Variants in POMT1 observed in about 807,000 individuals in gnomAD.
POMT1 encodes the protein protein O-mannosyl-transferase 1.
A neutral mutation model predicts 101.6 loss-of-function variants in POMT1; 85 were observed. The observed-to-expected ratio is 0.84, with a 90% CI of 0.70 to 1.00. The LOEUF is 1.00. POMT1 is among the 50% of genes least tolerant of loss of function. POMT1 has a pLI of 0.00. For synonymous variants in POMT1, 371 were observed against 383.0 expected (o/e 0.97, Z 0.37); for missense variants, 857 against 930.4 (o/e 0.92, Z 1.03).
chr9:131,522,312 A>T lies in POMT1; in HGVS notation c.2003+88A>T. The T allele has an allele frequency of 6.3e-7, 1 of 1,585,628 alleles. No homozygotes were observed. Among genetic ancestry groups the T allele is most frequent in the Admixed American group, 1.7e-5 (1 of 57,930 alleles). On this transcript the variant is annotated intron_variant, in intron 19 of 19. Coordinates refer to ENST00000402686, the MANE Select transcript of POMT1 (RefSeq NM_001077365.2). The surrounding 1 kb of genome is among the most constrained non-coding windows in gnomAD (Gnocchi z 5.5). ...GCAGCAAACACATGGGGTGCAGCGAACCTCACCCATTTCACGTTACACTGA... is the reference window on the plus strand; with the variant it reads ...GCAGCAAACACATGGGGTGCAGCGATCCTCACCCATTTCACGTTACACTGA...
At chr9:131,518,725 A>G in intron 14 of POMT1, 112 bp from the exon 15 acceptor site, 2 of 1,562,670 alleles carry the variant, frequency 1.3e-6, no homozygotes, top group Non-Finnish European at 8.8e-7. Flanking sequence ...AATCTCCCAC[A>G]AGGGGCACCT....
At chr9:131,512,667 A>C (rs1947379791) in intron 11 of POMT1, among the ~76,000 whole-genome samples, 1 of 151,900 alleles carries the variant, frequency 6.6e-6, no homozygotes, top group African/African-American at 2.4e-5. Flanking sequence ...GCTGGAGTGC[A>C]GTGGTACGAT....
chr9:131,520,450 A>C (rs979132785), intron 17 of POMT1, among the ~76,000 whole-genome samples: 29 of 152,144 alleles, frequency 1.9e-4, no homozygotes, highest in African/African-American at 6.8e-4. Flanking sequence ...TTTCCTGGCG[A>C]AAGTGGTTTT....
rs1310396437 is a variant in POMT1, at chr9:131,506,133, G to C, written c.142G>C (p.Gly48Arg). ...RAVVFDEVYY[G>R]QYISFYMKQI... ...TTCTAGTTTTGACGAAGTATATTAT[G>C]GGCAGTACATCTCTTTTTACATGAA... The change falls in exon 3 of 20, where the codon GGG becomes CGG. Residue 48 changes from glycine to arginine, a missense_variant. By Grantham distance (125) the Gly-to-Arg change is moderately radical. Transcript: ENST00000402686. 1.4e-5 allele frequency: 23 copies of C among 1,613,630 alleles called. No homozygotes were observed. Among genetic ancestry groups the C allele is most frequent in the African/African-American group, 2.7e-5 (2 of 74,848 alleles).
rs1159094303 is a variant in POMT1 at position 131,518,817 on chromosome 9, C to T, written c.1366-20C>T. The T allele has an allele frequency of 6.2e-7, 1 of 1,613,948 alleles. No homozygotes were observed. Among genetic ancestry groups the T allele is most frequent in the African/African-American group, 1.3e-5 (1 of 75,062 alleles). The stretch of plus-strand genomic sequence containing the variant: ...CACGGCCTTCCCATCACGCCCTTTA[C>T]TCTCCTGCGGTGTCACCAGCTGAGC... On this transcript the variant is annotated intron_variant, in intron 14 of 19. Transcript: ENST00000402686.
rs778028503 is a variant in POMT1 at position 131,503,640 on chromosome 9, G to C, written c.-30-549G>C. 6.6e-6 allele frequency among the ~76,000 whole-genome samples: 1 copy of C among 152,196 alleles called. No individual in the cohort carries two copies. Among genetic ancestry groups the C allele is most frequent in the Non-Finnish European group, 1.5e-5 (1 of 68,028 alleles). The stretch of plus-strand genomic sequence containing the variant: ...GAAGATGAAGCCTGGAGGAGAACGT[G>C]GGGGCGCAGGGTGCAAATGCACCCT... On this transcript the variant is annotated intron_variant, in intron 1 of 19. Coordinates refer to ENST00000402686, the MANE Select transcript of POMT1 (RefSeq NM_001077365.2). This position sits in a 1 kb window ranked among gnomAD's most constrained non-coding sequence, Gnocchi z 4.4.
chr9:131,508,794 A>G (rs1588363259), intron 5 of POMT1, 117 bp from the exon 6 acceptor site: 1 of 739,796 alleles, frequency 1.4e-6, no homozygotes. Flanking sequence ...AACATTCACA[A>G]CAGCCCCACA....
chr9:131,514,135 G>T (rs187846200), intron 12 of POMT1, among the ~76,000 whole-genome samples: 52 of 152,302 alleles, frequency 3.4e-4, no homozygotes, highest in African/African-American at 1.1e-3. Context: ...TTCAGAACCA[G>T]CCCTGGGTAG....
rs771523115 is a variant in POMT1, at chr9:131,513,257, C to T, written c.1101C>T (p.Ser367=). 9 of 1,612,892 alleles carry T rather than the reference C, an allele frequency of 5.6e-6. No individual in the cohort carries two copies. In the East Asian group the frequency reaches 1.3e-4, roughly 24 times the overall value. ...CTTCCAGGCACCAGCTGGTGGTGAG[C>T]AGCCCTCCGAGACCTGTGAGGCACG... The part of the protein sequence containing the change: ...KDPRRHQLVV[S]SPPRPVRHGD... The change falls in exon 12 of 20, where the codon AGC becomes AGT. Residue 367 remains serine, a synonymous_variant. Transcript: ENST00000402686.
rs1367800592 is a variant in POMT1, at chr9:131,523,334, C to A, written c.*228C>A. On this transcript the variant is annotated 3_prime_UTR_variant, in exon 20 of 20. Transcript: ENST00000402686. ...ACAATAAAGATATTCCGTGTCTTTA[C>A]CCCTGAACTAAGACACAGGGAGTAT... The A allele has an allele frequency of 3.5e-6, 2 of 567,732 alleles. No homozygotes were observed. The highest frequency in any genetic ancestry group is 6.3e-6 in the Non-Finnish European group (2 of 316,506). 35.2% of individuals were successfully genotyped at this position (567,732 alleles called of 1,614,324 possible). A position where few individuals can be genotyped will look rare whatever the true frequency, so the allele number is the denominator to read the frequency against.
Position 131,518,540 on chromosome 9 carries a change from A to C in POMT1, c.1365+3A>C. ...TGAACACTTCCGCTGTCTTAAAGGT[A>C]AGGACACTGTCCGTGGCTTGGCCTG... On this transcript the variant is annotated splice_donor_region_variant and intron_variant, in intron 14 of 19. Coordinates refer to ENST00000402686, the MANE Select transcript of POMT1 (RefSeq NM_001077365.2). 1 of 1,612,316 alleles carries C rather than the reference A, an allele frequency of 6.2e-7. No homozygotes were observed. Among genetic ancestry groups the C allele is most frequent in the Non-Finnish European group, 8.5e-7 (1 of 1,178,612 alleles).
Position 131,507,480 on chromosome 9 carries a change from T to C in POMT1, c.393T>C (p.Cys131=), listed in dbSNP as rs758611225. The change falls in exon 5 of 20, where the codon TGT becomes TGC. Residue 131 remains cysteine (C), a synonymous_variant. Coordinates refer to ENST00000402686, the MANE Select transcript of POMT1 (RefSeq NM_001077365.2). ...TGTTGGAGCTCCACTTTTCTCATTG[T>C]GCCGCCATGGGAGCTGCTCTGTTGA... ...QIVLELHFSH[C]AAMGAALLML... The C allele has an allele frequency of 6.2e-7, 1 of 1,614,204 alleles. No individual in the cohort carries two copies. The highest frequency in any genetic ancestry group is 8.5e-7 in the Non-Finnish European group (1 of 1,180,038).
intron 18 of POMT1, among the ~76,000 whole-genome samples, chr9:131,521,782 T>C (rs1029845617): frequency 6.6e-6 from 1 of 152,226 alleles, no homozygotes; most frequent in Non-Finnish European, 1.5e-5. Context: ...GTGCAGCGTA[T>C]TGGGCAGGAA....
At chr9:131,515,771 T>TTCCTCACACGGAGCACTTCCTCACAG (rs1564366730) in intron 13 of POMT1, among the ~76,000 whole-genome samples, 2,300 of 15,692 alleles carry the variant, frequency 0.15, 476 homozygotes, top group East Asian at 0.28. Flanking sequence ...TCCTCTAACA[T>TTCCTCACACGGAGCACTTCCTCACAG]GGAGCACTTC....
rs895531128 is a variant in POMT1, at chr9:131,523,675, C to A, written c.*569C>A. 1 of 166,282 alleles carries A rather than the reference C, an allele frequency of 6.0e-6. No homozygotes were observed. Among genetic ancestry groups the A allele is most frequent in the Admixed American group, 5.5e-5 (1 of 18,178 alleles). 10.3% of individuals were successfully genotyped at this position (166,282 alleles called of 1,614,324 possible). A position where few individuals can be genotyped will look rare whatever the true frequency, so the allele number is the denominator to read the frequency against. On this transcript the variant is annotated 3_prime_UTR_variant, in exon 20 of 20. Coordinates refer to ENST00000402686, the MANE Select transcript of POMT1 (RefSeq NM_001077365.2). ...TGGCACCGTGCTGTGTGGAAACCCT[C>A]CCCTCTGAGACTCCACTGAGACGTG...
chr9:131,508,571 C>T lies in POMT1; in HGVS notation c.428-340C>T, dbSNP rs10901063. Among the ~76,000 whole-genome samples the T allele has an allele frequency of 0.73, 110,632 of 151,980 alleles. 41,530 individuals carry two copies. The highest frequency in any genetic ancestry group is 0.92 in the East Asian group (4,735 of 5,168). ...AAAATTAGCCAGGTGTGGTGGCATG[C>T]GCCTATAGTCCCAGCTACTCAGGAG... On this transcript the variant is annotated intron_variant, in intron 5 of 19. Transcript: ENST00000402686.
At chr9:131,521,199 G>T in intron 17 of POMT1, 147 bp from the exon 18 acceptor site, 1 of 1,096,988 alleles carries the variant, frequency 9.1e-7, no homozygotes, top group South Asian at 1.3e-5. Flanking sequence ...CACAGTAGTA[G>T]TAAGGCCTAG....
rs1240917845 is a variant in POMT1 at position 131,523,123 on chromosome 9, A to G, written c.*17A>G. On this transcript the variant is annotated 3_prime_UTR_variant, in exon 20 of 20. Transcript: ENST00000402686. ...AAACACTAGAACAAGAGTGTGGCAA[A>G]GAACACCCGTGCTGGGGTCGGGATG... The G allele has an allele frequency of 6.2e-7, 1 of 1,608,768 alleles. No individual in the cohort carries two copies. Among genetic ancestry groups the G allele is most frequent in the Non-Finnish European group, 8.5e-7 (1 of 1,179,358 alleles).
chr9:131,518,741 C>T (rs1949269876), intron 14 of POMT1, 96 bp from the exon 15 acceptor site: 1 of 1,593,300 alleles, frequency 6.3e-7, no homozygotes, highest in African/African-American at 1.3e-5. Context: ...CACCTGCTGA[C>T]AGCGTGACCC....
Sources: gnomAD v4.1 joint callset for allele counts (sites outside exome capture counted in the v4.1 genomes callset) on GRCh38, gnomAD v4.1.1 for gene constraint, Gnocchi (gnomAD v3.1) non-coding constraint, MANE v1.5 for transcripts, NCBI Gene and HGNC (gene_info 2026-07-23, HGNC 2026-07-21) for gene names.